The following PSMD1 variants were observed in gnomAD, a reference collection of about 807,000 sequenced individuals.
The protein encoded by PSMD1 is proteasome 26S subunit, non-ATPase 1.
PSMD1 carries 18 observed loss-of-function variants against 119.0 expected under a neutral mutation model. The ratio of observed to expected loss-of-function variants is 0.15; its 90% CI spans 0.10 to 0.22. The LOEUF is 0.22. Among genes scored for constraint, PSMD1 ranks in the 10% least tolerant of loss-of-function variants. PSMD1 has a pLI of 1.00. For synonymous variants in PSMD1, 374 were observed against 396.6 expected (o/e 0.94, Z 0.68); for missense variants, 702 against 1,158.5 (o/e 0.61, Z 5.72).
intron 18 of PSMD1, among the ~76,000 whole-genome samples, chr2:231,149,970 G>A (rs904770466): frequency 2.0e-5 from 3 of 152,158 alleles, no homozygotes; most frequent in Non-Finnish European, 4.4e-5. Context: ...AGTTTGACAT[G>A]ACAGCATGTC....
intron 2 of PSMD1, 49 bp downstream of exon 2, chr2:231,061,359 C>G: frequency 7.1e-7 from 1 of 1,417,218 alleles, no homozygotes; most frequent in East Asian, 2.4e-5. Context: ...TACTGTGAAG[C>G]CTTTTGAATT....
At chr2:231,140,844 CTT>C (rs1696090092) in intron 17 of PSMD1, among the ~76,000 whole-genome samples, 1 of 151,714 alleles carries the variant, frequency 6.6e-6, no homozygotes, top group Admixed American at 6.6e-5. Flanking sequence ...TGCCCTTGCA[CTT>C]TAGCCTGGGG....
intron 17 of PSMD1, among the ~76,000 whole-genome samples, chr2:231,141,941 G>A (rs772492304): frequency 6.6e-6 from 1 of 152,092 alleles, no homozygotes; most frequent in Non-Finnish European, 1.5e-5. Flanking sequence ...GGACTGCAGT[G>A]GTGCAATCTC....
chr2:231,111,929 G>A (rs774715707), intron 16 of PSMD1, among the ~76,000 whole-genome samples: 7 of 151,962 alleles, frequency 4.6e-5, no homozygotes, highest in South Asian at 2.1e-4. Context: ...TTGATCATCT[G>A]TGTATTCTTA....
chr2:231,076,405 G>C (rs1433226598), intron 8 of PSMD1, among the ~76,000 whole-genome samples: 1 of 152,206 alleles, frequency 6.6e-6, no homozygotes, highest in African/African-American at 2.4e-5. Flanking sequence ...TGTGGTTCAT[G>C]CATGTAATCC....
intron 4 of PSMD1, among the ~76,000 whole-genome samples, chr2:231,064,108 G>T (rs1693833793): frequency 6.6e-6 from 1 of 152,188 alleles, no homozygotes; most frequent in South Asian, 2.1e-4. Context: ...TCTAAACACT[G>T]TATCATTTTA....
chr2:231,081,905 A>C (rs1044129990), intron 12 of PSMD1, among the ~76,000 whole-genome samples: 1 of 152,058 alleles, frequency 6.6e-6, no homozygotes, highest in Non-Finnish European at 1.5e-5. Flanking sequence ...ACCCATGAAC[A>C]TACTCTCATC....
intron 16 of PSMD1, among the ~76,000 whole-genome samples, chr2:231,091,307 T>C (rs1232254587): frequency 1.3e-5 from 2 of 152,200 alleles, no homozygotes; most frequent in African/African-American, 2.4e-5. Context: ...TCCTTTACAT[T>C]CCCTTGTTAT....
chr2:231,090,997 T>C (rs1694575592), intron 16 of PSMD1, among the ~76,000 whole-genome samples: 1 of 152,152 alleles, frequency 6.6e-6, no homozygotes, highest in Non-Finnish European at 1.5e-5. Context: ...AAGTAATCAC[T>C]TTTTGGGTCT....
intron 16 of PSMD1, among the ~76,000 whole-genome samples, chr2:231,088,360 C>T (rs775159597): frequency 2.6e-5 from 4 of 152,160 alleles, no homozygotes; most frequent in Admixed American, 6.5e-5. Flanking sequence ...TGTTTTACTG[C>T]ACTTTGCTTT....
chr2:231,098,408 T>C (rs1419513443), intron 16 of PSMD1, among the ~76,000 whole-genome samples: 2 of 152,182 alleles, frequency 1.3e-5, no homozygotes, highest in African/African-American at 4.8e-5. Context: ...GTTCTCTCTC[T>C]TTCTCTGTCT....
At chr2:231,136,425 A>G (rs2125245624) in intron 16 of PSMD1, among the ~76,000 whole-genome samples, 1 of 152,346 alleles carries the variant, frequency 6.6e-6, no homozygotes, top group Middle Eastern at 3.4e-3. Context: ...GCTACGGGCC[A>G]GATTGGGCCC....
intron 9 of PSMD1, among the ~76,000 whole-genome samples, chr2:231,078,298 A>G (rs1694216440): frequency 6.6e-6 from 1 of 152,186 alleles, no homozygotes; most frequent in Non-Finnish European, 1.5e-5. Flanking sequence ...ATTATCTGGT[A>G]ACTGTCAGAG....
intron 16 of PSMD1, among the ~76,000 whole-genome samples, chr2:231,137,087 T>A (rs1036216923): frequency 2.1e-5 from 3 of 146,092 alleles, no homozygotes; most frequent in Non-Finnish European, 4.5e-5. Flanking sequence ...TATATATTTA[T>A]ATATTATATT....
chr2:231,165,088 A>G lies in PSMD1; in HGVS notation c.2482-112A>G, dbSNP rs572743376. 529 of 152,150 alleles carry G rather than the reference A, an allele frequency of 3.5e-3. 6 individuals are homozygous for G. The highest frequency in any genetic ancestry group is 6.5e-3 in the Middle Eastern group (4 of 614). 9.4% of individuals were successfully genotyped at this position (152,150 alleles called of 1,614,324 possible). On this transcript the variant is annotated intron_variant, in intron 21 of 24. Coordinates refer to ENST00000308696, the MANE Select transcript of PSMD1 (RefSeq NM_002807.4). ...TATATATATATATATATATATATATATATGTAATACAGCTAGGAAATAGAA... is the reference window on the plus strand; with the variant it reads ...TATATATATATATATATATATATATGTATGTAATACAGCTAGGAAATAGAA...
chr2:231,139,404 A>G (rs186447233), intron 17 of PSMD1, among the ~76,000 whole-genome samples: 1 of 128,586 alleles, frequency 7.8e-6, no homozygotes, highest in African/African-American at 3.0e-5. Flanking sequence ...CTGCCAACAC[A>G]CTCAGCTAAT....
At chr2:231,100,525 G>A (rs1309241631) in intron 16 of PSMD1, among the ~76,000 whole-genome samples, 1 of 152,150 alleles carries the variant, frequency 6.6e-6, no homozygotes, top group Non-Finnish European at 1.5e-5. Flanking sequence ...GGTGGAGCAG[G>A]TCATTGGAAT....
chr2:231,150,105 G>A (rs952348968), intron 18 of PSMD1, among the ~76,000 whole-genome samples: 1 of 152,142 alleles, frequency 6.6e-6, no homozygotes, highest in African/African-American at 2.4e-5. Flanking sequence ...CAGCACTTTG[G>A]GAGGCCAAGG....
intron 16 of PSMD1, among the ~76,000 whole-genome samples, chr2:231,116,347 T>C (rs1379204412): frequency 6.6e-6 from 1 of 152,156 alleles, no homozygotes; most frequent in African/African-American, 2.4e-5. Context: ...ATCAGAGATA[T>C]TGATTGCAGT....
Sources: gnomAD v4.1 joint callset for allele counts (sites outside exome capture counted in the v4.1 genomes callset) on GRCh38, gnomAD v4.1.1 for gene constraint, MANE v1.5 for transcripts, NCBI Gene and HGNC (gene_info 2026-07-23, HGNC 2026-07-21) for gene names.